The following ADGRV1 variants were observed in gnomAD, a reference collection of about 807,000 sequenced individuals.
ADGRV1 encodes G-protein coupled receptor 98.
ADGRV1 carries 359 observed loss-of-function variants against 596.2 expected under a neutral mutation model. The ratio of observed to expected loss-of-function variants is 0.60; its 90% CI spans 0.55 to 0.66. The LOEUF is 0.66. Ranked by LOEUF, ADGRV1 falls within the 30% of genes least tolerant of loss-of-function variation. The pLI is 0.00. For synonymous variants in ADGRV1, 2,681 were observed against 2,679.2 expected (o/e 1.00, Z -0.02); for missense variants, 7,274 against 7,575.6 (o/e 0.96, Z 1.48).
rs1415782708 is a variant in ADGRV1, at chr5:90,705,438, G to A, written c.8425G>A (p.Gly2809Arg). 6.2e-7 allele frequency: 1 copy of A among 1,613,898 alleles called. No individual in the cohort carries two copies. The highest frequency in any genetic ancestry group is 1.1e-5 in the South Asian group (1 of 91,066). Residue 2809 changes from glycine to arginine, a missense_variant, in exon 37 of 90, where the codon GGA (glycine) becomes AGA (arginine). Gly to Arg is a moderately radical substitution (Grantham distance 125, BLOSUM62 -2). This residue lies in a region of ADGRV1 where 3,643 missense variants were observed against 3,809.2 expected (regional missense o/e 0.96). Coordinates refer to ENST00000405460, the MANE Select transcript of ADGRV1 (RefSeq NM_032119.4). Reference sequence around the variant, plus strand: ...CGGAATCGCCCTGCTTGATGCTCAAGGATATGCAGCTGTCCTCACAGTAGA... The same window carrying A: ...CGGAATCGCCCTGCTTGATGCTCAAAGATATGCAGCTGTCCTCACAGTAGA... The part of the protein sequence containing the change: ...PAGIALLDAQ[G>R]YAAVLTVEAS...
chr5:90,622,785 A>T (rs1273057784), intron 5 of ADGRV1, 84 bp downstream of exon 5: 2 of 580,134 alleles, frequency 3.4e-6, no homozygotes, highest in Non-Finnish European at 5.4e-6. Flanking sequence ...CTGTTGCCCA[A>T]GCTGGAGTGC....
intron 85 of ADGRV1, among the ~76,000 whole-genome samples, chr5:91,015,554 C>G (rs911707317): frequency 5.3e-5 from 8 of 152,022 alleles, no homozygotes; most frequent in African/African-American, 1.9e-4. Context: ...TCTTATGAAC[C>G]TAGGTGCTCC....
chr5:90,838,347 A>T (rs1383859564), intron 77 of ADGRV1, among the ~76,000 whole-genome samples: 1 of 151,200 alleles, frequency 6.6e-6, no homozygotes, highest in Non-Finnish European at 1.5e-5. Context: ...CTTAATCCTT[A>T]CCTCACTTGG....
At chr5:90,571,116 T>C (rs1756471067) in intron 1 of ADGRV1, among the ~76,000 whole-genome samples, 1 of 152,142 alleles carries the variant, frequency 6.6e-6, no homozygotes, top group African/African-American at 2.4e-5. Context: ...CTGAAGTCTT[T>C]TTAAAGTATG....
chr5:91,002,051 T>A (rs10942623), intron 85 of ADGRV1, among the ~76,000 whole-genome samples: 15 of 152,048 alleles, frequency 9.9e-5, no homozygotes, highest in African/African-American at 3.6e-4. Flanking sequence ...TTCCATTTAG[T>A]TAAATTTTTT....
intron 87 of ADGRV1, among the ~76,000 whole-genome samples, chr5:91,144,857 A>G (rs574783015): frequency 1.1e-3 from 161 of 152,358 alleles, no homozygotes; most frequent in African/African-American, 3.8e-3. Context: ...GTGCTTGCCA[A>G]TGCACGTAGT....
chr5:90,768,153 A>G (rs889206136), intron 59 of ADGRV1, among the ~76,000 whole-genome samples: 1 of 152,238 alleles, frequency 6.6e-6, no homozygotes, highest in Non-Finnish European at 1.5e-5. Context: ...AAAATGGCAA[A>G]TAGTCTGATC....
chr5:90,704,613 C>T, intron 36 of ADGRV1, 125 bp downstream of exon 36: 1 of 572,628 alleles, frequency 1.7e-6, no homozygotes, highest in Non-Finnish European at 3.1e-6. Flanking sequence ...ATTATGTGTC[C>T]CCTAGAAATG....
intron 87 of ADGRV1, among the ~76,000 whole-genome samples, chr5:91,135,977 C>G (rs998768605): frequency 1.3e-5 from 2 of 152,084 alleles, no homozygotes; most frequent in African/African-American, 4.8e-5. Flanking sequence ...GAGGGAACCA[C>G]AAGTCCACGG....
At position 90,725,338 on chromosome 5, in the gene ADGRV1, A is replaced by C. The variant is rs373866967; in HGVS notation, c.10053+106A>C. On this transcript the variant is annotated intron_variant, in intron 47 of 89. Transcript: ENST00000405460. ...ATGTATGTTTTATGTTAATGTGAAA[A>C]AGGACTTTTTGTGAGTTGATATACA... The C allele has an allele frequency of 2.4e-4, 207 of 855,564 alleles. No individual in the cohort carries two copies. The African/African-American group carries it at 3.4e-3, about 14-fold the overall frequency. The allele number at this position is 855,564 out of a possible 1,614,324, so 53.0% of individuals were successfully genotyped here.
At chr5:91,062,375 CGTT>C (rs1288658396) in intron 85 of ADGRV1, among the ~76,000 whole-genome samples, 1 of 152,168 alleles carries the variant, frequency 6.6e-6, no homozygotes, top group Non-Finnish European at 1.5e-5. Flanking sequence ...AAGCAAGAAT[CGTT>C]GTCTCTGAGG....
intron 65 of ADGRV1, among the ~76,000 whole-genome samples, chr5:90,782,043 C>T (rs1468434094): frequency 2.6e-5 from 4 of 152,080 alleles, no homozygotes; most frequent in Admixed American, 6.6e-5. Flanking sequence ...CTAATATTGC[C>T]AATTCTTTCC....
At chr5:90,828,356 C>T (rs2150318563) in intron 76 of ADGRV1, among the ~76,000 whole-genome samples, 1 of 152,032 alleles carries the variant, frequency 6.6e-6, no homozygotes, top group African/African-American at 2.4e-5. Context: ...TCCCCCTCCT[C>T]AGTAATATTC....
chr5:90,846,185 G>A (rs1043403645), intron 78 of ADGRV1, among the ~76,000 whole-genome samples: 1 of 151,892 alleles, frequency 6.6e-6, no homozygotes, highest in Non-Finnish European at 1.5e-5. Flanking sequence ...GTTACAAAGA[G>A]AGTGATAATG....
intron 86 of ADGRV1, among the ~76,000 whole-genome samples, chr5:91,074,636 T>C (rs954382846): frequency 6.6e-6 from 1 of 152,222 alleles, no homozygotes; most frequent in Non-Finnish European, 1.5e-5. Context: ...GATTAACATA[T>C]GTGTGCATGT....
chr5:90,786,250 G>C (rs969481446), intron 67 of ADGRV1, among the ~76,000 whole-genome samples: 3 of 151,922 alleles, frequency 2.0e-5, no homozygotes, highest in South Asian at 2.1e-4. Flanking sequence ...GGGCCTATTG[G>C]GGGGTGGGGG....
At chr5:91,019,272 A>G (rs1309266900) in intron 85 of ADGRV1, among the ~76,000 whole-genome samples, 1 of 152,028 alleles carries the variant, frequency 6.6e-6, no homozygotes, top group Non-Finnish European at 1.5e-5. Context: ...GAATAAATGT[A>G]CTGGCAACTA....
chr5:90,815,858 G>C, intron 75 of ADGRV1, 122 bp downstream of exon 75: 1 of 616,192 alleles, frequency 1.6e-6, no homozygotes, highest in South Asian at 2.0e-5. Flanking sequence ...AATTTGGCAC[G>C]TCTTCAGATG....
intron 85 of ADGRV1, among the ~76,000 whole-genome samples, chr5:90,990,949 G>T (rs1780909026): frequency 6.6e-6 from 1 of 152,162 alleles, no homozygotes; most frequent in South Asian, 2.1e-4. Flanking sequence ...CATGCAAAGT[G>T]TAGGGAGGGG....
Sources: gnomAD v4.1 joint callset for allele counts (sites outside exome capture counted in the v4.1 genomes callset) on GRCh38, gnomAD v4.1.1 for gene constraint, gnomAD v4.1.1 regional missense constraint, MANE v1.5 for transcripts, NCBI Gene and HGNC (gene_info 2026-07-23, HGNC 2026-07-21) for gene names.